The following WDFY3 variants were observed in gnomAD, a reference collection of about 807,000 sequenced individuals.
WDFY3 encodes the protein WD repeat and FYVE domain containing 3.
Under a neutral mutation model 409.6 loss-of-function variants are expected in WDFY3, and 66 were observed. The observed-to-expected ratio is 0.16, with a 90% CI of 0.13 to 0.20. The LOEUF is 0.20. WDFY3 is among the 10% of genes least tolerant of loss of function. The pLI is 1.00. For missense variants in WDFY3, 3,031 were observed against 4,298.1 expected, an observed-to-expected ratio of 0.71 and a Z score of 8.24; for synonymous variants, 1,521 against 1,537.1, an observed-to-expected ratio of 0.99 and a Z score of 0.25.
chr4:84,850,928 G>GTTTTTTTTTTTTTTTTTTTT lies in WDFY3; in HGVS notation c.181-923_181-904dup, dbSNP rs869074191. 4.8e-4 allele frequency among the ~76,000 whole-genome samples: 22 copies of GTTTTTTTTTTTTTTTTTTTT among 46,248 alleles called. 3 individuals are homozygous for GTTTTTTTTTTTTTTTTTTTT. The highest frequency in any genetic ancestry group is 7.9e-4 in the Admixed American group (3 of 3,786). 30.3% of individuals were successfully genotyped at this position (46,248 alleles called of 152,430 possible). On this transcript the variant is annotated intron_variant, in intron 4 of 67. Transcript: ENST00000295888. Reference sequence around the variant, plus strand: ...TTCTTATTTTTAATTTTATTTATCTGTTTTTTTTTTTTTTTTTTTTTTTTT... The same window carrying GTTTTTTTTTTTTTTTTTTTT: ...TTCTTATTTTTAATTTTATTTATCTGTTTTTTTTTTTTTTTTTTTTTTTTTTTTTTTTTTTTTTTTTTTTT...
At chr4:84,862,300 A>G (rs1760752974) in intron 3 of WDFY3, among the ~76,000 whole-genome samples, 1 of 152,220 alleles carries the variant, frequency 6.6e-6, no homozygotes, top group Admixed American at 6.5e-5. Flanking sequence ...ACTACTGTGC[A>G]GAGAGCACTG....
chr4:84,704,710 A>G (rs1731630612), intron 54 of WDFY3, among the ~76,000 whole-genome samples: 2 of 152,332 alleles, frequency 1.3e-5, no homozygotes, highest in African/African-American at 4.8e-5. Flanking sequence ...GCTTACTATA[A>G]TAGTTAACCC....
At chr4:84,706,482 C>T (rs1320833637) in intron 53 of WDFY3, among the ~76,000 whole-genome samples, 1 of 147,632 alleles carries the variant, frequency 6.8e-6, no homozygotes, top group African/African-American at 2.5e-5. Context: ...CTTGACCCTA[C>T]GATTGAGTAG....
At chr4:84,711,591 G>T (rs1732900800) in intron 51 of WDFY3, among the ~76,000 whole-genome samples, 1 of 152,128 alleles carries the variant, frequency 6.6e-6, no homozygotes. Flanking sequence ...AGGGGCTCAT[G>T]CCTGTAATTC....
At chr4:84,682,859 G>C (rs746022556) in intron 63 of WDFY3, 18 of 163,560 alleles carry the variant, frequency 1.1e-4, no homozygotes, top group Non-Finnish European at 2.1e-4. Context: ...GTGCATGCTT[G>C]TAATTCCAGC....
intron 53 of WDFY3, among the ~76,000 whole-genome samples, chr4:84,706,209 T>C (rs1467367946): frequency 2.0e-5 from 3 of 152,238 alleles, no homozygotes; most frequent in Non-Finnish European, 1.5e-5. Context: ...GCCTGTGGCA[T>C]ATTTGTGTCC....
intron 36 of WDFY3, among the ~76,000 whole-genome samples, chr4:84,744,926 G>A (rs1201096144): frequency 2.7e-5 from 4 of 147,636 alleles, no homozygotes; most frequent in East Asian, 4.1e-4. Flanking sequence ...AAAGACATAT[G>A]TTTTCCTAAA....
intron 33 of WDFY3, 110 bp downstream of exon 33, chr4:84,756,816 T>C: frequency 1.6e-6 from 2 of 1,239,588 alleles, no homozygotes; most frequent in African/African-American, 1.5e-5. Flanking sequence ...AAACCTTAAA[T>C]GTGGGGAAAG....
At chr4:84,952,686 T>G (rs1388446732) in intron 1 of WDFY3, among the ~76,000 whole-genome samples, 1 of 151,666 alleles carries the variant, frequency 6.6e-6, no homozygotes, top group Non-Finnish European at 1.5e-5. Context: ...CACTCAGAAA[T>G]AATTTAAACA....
chr4:84,802,638 CAATATAGCAA>C (rs1750810723), intron 16 of WDFY3, among the ~76,000 whole-genome samples: 2 of 152,090 alleles, frequency 1.3e-5, no homozygotes, highest in Admixed American at 1.3e-4. Flanking sequence ...TTGCTTAGAG[CAATATAGCAA>C]TTCCAGAACA....
intron 2 of WDFY3, among the ~76,000 whole-genome samples, chr4:84,921,201 C>A (rs138553836): frequency 4.3e-4 from 65 of 152,178 alleles, no homozygotes; most frequent in Non-Finnish European, 2.4e-4. Context: ...AGAGCCTTCT[C>A]GGACCCAATC....
chr4:84,779,228 A>G (rs1259759405), intron 26 of WDFY3, among the ~76,000 whole-genome samples: 1 of 152,206 alleles, frequency 6.6e-6, no homozygotes. Flanking sequence ...GCAAAAGAAA[A>G]CACTTATTGA....
intron 56 of WDFY3, among the ~76,000 whole-genome samples, chr4:84,698,973 C>T (rs1333542018): frequency 6.6e-6 from 1 of 152,186 alleles, no homozygotes; most frequent in South Asian, 2.1e-4. Flanking sequence ...CAGGCGTGAG[C>T]CACTGCGACC....
intron 44 of WDFY3, among the ~76,000 whole-genome samples, chr4:84,729,167 AGATT>A (rs1736152448): frequency 6.6e-6 from 1 of 152,096 alleles, no homozygotes; most frequent in Non-Finnish European, 1.5e-5. Flanking sequence ...AATGTGTTTG[AGATT>A]ATTATTCTTT....
rs1478465421 is a variant in WDFY3, at chr4:84,890,155, A to G, written c.-32+6756T>C. ...CTCACTGTAACTCAGGCTGGAGTAC[A>G]GTGGCACGACCATGGCTCACTTCAT... On this transcript the variant is annotated intron_variant, in intron 3 of 67. Transcript: ENST00000295888. Among the ~76,000 whole-genome samples the G allele has an allele frequency of 5.3e-5, 8 of 152,128 alleles. No individual in the cohort carries two copies. The East Asian group carries it at 1.5e-3, about 29-fold the overall frequency.
At chr4:84,750,862 T>C (rs1005880795) in intron 36 of WDFY3, among the ~76,000 whole-genome samples, 5 of 152,238 alleles carry the variant, frequency 3.3e-5, no homozygotes, top group Admixed American at 6.5e-5. Flanking sequence ...GTTTGCTGCC[T>C]TGGGGAATTT....
intron 53 of WDFY3, among the ~76,000 whole-genome samples, chr4:84,706,147 G>T (rs1174990468): frequency 4.6e-5 from 7 of 152,120 alleles, no homozygotes; most frequent in African/African-American, 1.7e-4. Flanking sequence ...TATTTAAAAG[G>T]AAACTAAAAT....
rs566011790 is a variant in WDFY3 at position 84,768,423 on chromosome 4, C to T, written c.4850-2051G>A. 4.6e-5 allele frequency among the ~76,000 whole-genome samples: 7 copies of T among 152,280 alleles called. No individual in the cohort carries two copies. The East Asian group carries it at 1.2e-3, about 25-fold the overall frequency. On this transcript the variant is annotated intron_variant, in intron 30 of 67. Coordinates refer to ENST00000295888, the MANE Select transcript of WDFY3 (RefSeq NM_014991.6). Reference sequence around the variant, plus strand: ...ACAGAGCTGACTCTCTTGTTAGAGGCTAATGCAGCTGGTGACTTTAAGTGG... The same window carrying T: ...ACAGAGCTGACTCTCTTGTTAGAGGTTAATGCAGCTGGTGACTTTAAGTGG...
At position 84,775,045 on chromosome 4, in the gene WDFY3, A is replaced by G. The variant is rs771221665; in HGVS notation, c.4592+20T>C. 1.9e-6 allele frequency: 3 copies of G among 1,612,918 alleles called. No individual in the cohort carries two copies. In the East Asian group the frequency reaches 6.7e-5, roughly 36 times the overall value. On this transcript the variant is annotated intron_variant, in intron 28 of 67. Transcript: ENST00000295888. ...CTTTTCTATAGCTGAATAATTAACT[A>G]CGTGGGTATTAATTAATACCTGGAC...
Sources: allele counts gnomAD v4.1 joint callset (sites outside exome capture counted in the v4.1 genomes callset), GRCh38; gene constraint gnomAD v4.1.1; transcripts MANE v1.5; gene names NCBI Gene and HGNC (gene_info 2026-07-23, HGNC 2026-07-21).